VPS13B: variants seen among roughly 807,000 people sequenced by gnomAD.
VPS13B encodes the protein intermembrane lipid transfer protein VPS13B.
Under a neutral mutation model 426.4 loss-of-function variants are expected in VPS13B, and 285 were observed. That is an observed-to-expected ratio of 0.67 (90% CI 0.61 to 0.74). The LOEUF (loss-of-function observed/expected upper bound fraction) is 0.74, where lower values mean the gene tolerates loss of function less well. Among genes scored for constraint, VPS13B ranks in the 30% least tolerant of loss-of-function variants. VPS13B has a pLI of 0.00. For synonymous variants in VPS13B, 1,676 were observed against 1,676.4 expected, an observed-to-expected ratio of 1.00 and a Z score of 0.01; for missense variants, 4,537 against 4,782.6, an observed-to-expected ratio of 0.95 and a Z score of 1.51.
intron 33 of VPS13B, among the ~76,000 whole-genome samples, chr8:99,602,924 G>A (rs1827386010): frequency 6.6e-6 from 1 of 152,308 alleles, no homozygotes; most frequent in East Asian, 1.9e-4. Flanking sequence ...TGGATAGGAA[G>A]CATCAATATC....
chr8:99,425,944 G>A (rs1023586749), intron 21 of VPS13B, among the ~76,000 whole-genome samples: 5 of 151,914 alleles, frequency 3.3e-5, no homozygotes, highest in African/African-American at 1.2e-4. Flanking sequence ...AAGTTTTAGG[G>A]TACTTGTGCA....
At chr8:99,217,549 A>G (rs189395978) in intron 17 of VPS13B, among the ~76,000 whole-genome samples, 147 of 152,300 alleles carry the variant, frequency 9.7e-4, no homozygotes, top group African/African-American at 3.3e-3. Flanking sequence ...GAGAAGGTGT[A>G]GTTTCTAGTT....
At chr8:99,359,645 A>G (rs1187793044) in intron 19 of VPS13B, among the ~76,000 whole-genome samples, 1 of 152,246 alleles carries the variant, frequency 6.6e-6, no homozygotes, top group Non-Finnish European at 1.5e-5. Flanking sequence ...TTTGTAATAA[A>G]ATTAAACAAC....
intron 17 of VPS13B, among the ~76,000 whole-genome samples, chr8:99,222,906 G>A (rs377741922): frequency 2.1e-4 from 32 of 152,158 alleles, no homozygotes; most frequent in Non-Finnish European, 3.8e-4. Flanking sequence ...GCATGATCTC[G>A]GCTTACAGCA....
chr8:99,193,614 G>A (rs747854760), intron 17 of VPS13B, among the ~76,000 whole-genome samples: 1 of 152,034 alleles, frequency 6.6e-6, no homozygotes, highest in South Asian at 2.1e-4. Context: ...AGTTGTTTCA[G>A]TTCAAAATAA....
chr8:99,096,014 T>C (rs1008538452), intron 3 of VPS13B, among the ~76,000 whole-genome samples: 10 of 152,200 alleles, frequency 6.6e-5, no homozygotes, highest in Non-Finnish European at 1.5e-5. Flanking sequence ...TTAAGTCATT[T>C]TTTCTTTTGC....
intron 19 of VPS13B, among the ~76,000 whole-genome samples, chr8:99,305,347 A>G (rs934012969): frequency 1.5e-4 from 23 of 152,272 alleles, no homozygotes; most frequent in African/African-American, 5.5e-4. Context: ...CAGTATAATA[A>G]CTGTTTACAT....
intron 15 of VPS13B, among the ~76,000 whole-genome samples, chr8:99,162,783 G>A (rs867164585): frequency 3.9e-5 from 6 of 152,142 alleles, no homozygotes; most frequent in African/African-American, 9.7e-5. Context: ...TGCAAAGAGC[G>A]AAAGAACAAA....
chr8:99,236,606 G>A lies in VPS13B; in HGVS notation c.2516-37592G>A, dbSNP rs553213369. Among the ~76,000 whole-genome samples the A allele has an allele frequency of 1.5e-4, 23 of 152,272 alleles. No homozygotes were observed. In the East Asian group the frequency reaches 3.7e-3, roughly 24 times the overall value. On this transcript the variant is annotated intron_variant, in intron 17 of 61. Transcript: ENST00000357162. ...TCTCTTCTTAATGACTTTAAAGTTT[G>A]AAACTGTAATGTTTTTACCAAGTAG...
chr8:99,520,265 G>A (rs1822305076), intron 29 of VPS13B, among the ~76,000 whole-genome samples: 1 of 152,018 alleles, frequency 6.6e-6, no homozygotes, highest in African/African-American at 2.4e-5. Context: ...AAATTAAAAA[G>A]TATCTAGAAT....
chr8:99,843,168 A>C (rs1230234096), intron 54 of VPS13B, among the ~76,000 whole-genome samples: 1 of 152,112 alleles, frequency 6.6e-6, no homozygotes, highest in Admixed American at 6.6e-5. Context: ...TCAAAAAATA[A>C]ATATGATAGT....
intron 19 of VPS13B, among the ~76,000 whole-genome samples, chr8:99,381,754 CT>C (rs935767810): frequency 3.9e-4 from 58 of 147,044 alleles, no homozygotes; most frequent in Non-Finnish European, 5.0e-4. Flanking sequence ...AATGGACTTG[CT>C]TTTTTTTTTC....
intron 17 of VPS13B, among the ~76,000 whole-genome samples, 153 bp downstream of exon 17, chr8:99,193,210 G>C (rs556363527): frequency 4.6e-5 from 7 of 152,152 alleles, no homozygotes; most frequent in African/African-American, 1.7e-4. Flanking sequence ...TTAAAATCCA[G>C]ATTATGAGTT....
intron 57 of VPS13B, among the ~76,000 whole-genome samples, chr8:99,859,744 A>C (rs767894315): frequency 2.6e-5 from 4 of 152,218 alleles, no homozygotes; most frequent in Admixed American, 1.3e-4. Flanking sequence ...GGATTGGCTC[A>C]AATGTTATTT....
intron 21 of VPS13B, among the ~76,000 whole-genome samples, chr8:99,429,078 A>G (rs1816927169): frequency 1.3e-5 from 2 of 152,190 alleles, no homozygotes; most frequent in Admixed American, 1.3e-4. Flanking sequence ...GGAATTGAAC[A>G]ATGAGAACAC....
At chr8:99,458,822 C>A (rs1818670346) in intron 23 of VPS13B, among the ~76,000 whole-genome samples, 1 of 152,044 alleles carries the variant, frequency 6.6e-6, no homozygotes, top group Non-Finnish European at 1.5e-5. Flanking sequence ...GATATTAGCC[C>A]TTTGTCAGAT....
intron 19 of VPS13B, among the ~76,000 whole-genome samples, chr8:99,294,746 C>A (rs945677209): frequency 6.6e-6 from 1 of 152,022 alleles, no homozygotes; most frequent in African/African-American, 2.4e-5. Flanking sequence ...TAAATGGTTG[C>A]AATGCCAGAT....
intron 58 of VPS13B, among the ~76,000 whole-genome samples, 176 bp downstream of exon 58, chr8:99,862,122 G>C (rs568122823): frequency 3.3e-5 from 5 of 152,216 alleles, no homozygotes; most frequent in Non-Finnish European, 5.9e-5. Flanking sequence ...CTGCACAGCC[G>C]CACATGCAGC....
At position 99,446,272 on chromosome 8, in the gene VPS13B, C is replaced by T. The variant is rs923401236; in HGVS notation, c.3445+3637C>T. Among the ~76,000 whole-genome samples, 3 of 151,800 alleles carry T rather than the reference C, an allele frequency of 2.0e-5. No homozygotes were observed. In the South Asian group the frequency reaches 6.2e-4, roughly 32 times the overall value. On this transcript the variant is annotated intron_variant, in intron 23 of 61. Transcript: ENST00000357162. ...AAATATATTTTCTGGGTATATAAAT[C>T]CTTGTTTATAGTTATTTTCTCCCAG...
Sources: gnomAD v4.1 joint callset for allele counts (sites outside exome capture counted in the v4.1 genomes callset) on GRCh38, gnomAD v4.1.1 for gene constraint, MANE v1.5 for transcripts, NCBI Gene and HGNC (gene_info 2026-07-23, HGNC 2026-07-21) for gene names.